PCLO: variants seen among roughly 807,000 people sequenced by gnomAD.
PCLO encodes piccolo presynaptic cytomatrix protein.
In PCLO, 82 loss-of-function variants were observed where a neutral mutation model predicts 427.5. That is an observed-to-expected ratio of 0.19 (90% CI 0.16 to 0.23). The LOEUF (loss-of-function observed/expected upper bound fraction) is 0.23, where lower values mean the gene tolerates loss of function less well. Among genes scored for constraint, PCLO ranks in the 10% least tolerant of loss-of-function variants. The pLI, the probability that PCLO is intolerant of heterozygous loss-of-function variation, is 1.00. For missense variants in PCLO, 6,239 were observed against 6,115.9 expected (o/e 1.02, Z -0.67); for synonymous variants, 2,357 against 2,155.4 (o/e 1.09, Z -2.59).
rs1183961079 is a variant in PCLO, at chr7:82,901,672, C to T, written c.13528+979G>A. Among the ~76,000 whole-genome samples, 3 of 152,162 alleles carry T rather than the reference C, an allele frequency of 2.0e-5. No individual in the cohort carries two copies. In the East Asian group the frequency reaches 5.8e-4, roughly 30 times the overall value. On this transcript the variant is annotated intron_variant, in intron 9 of 24. Coordinates refer to ENST00000333891, the MANE Select transcript of PCLO (RefSeq NM_033026.6). ...AATGGGAGAAAATTTTTGCAACCTA[C>T]TCATCTGACAAAGGGCTAATATCCA...
intron 10 of PCLO, among the ~76,000 whole-genome samples, chr7:82,875,907 A>G (rs73710056): frequency 0.16 from 24,097 of 152,052 alleles, 3,031 homozygotes; most frequent in African/African-American, 0.34. Context: ...TAGCTTTTCC[A>G]AACAACAGCT....
chr7:82,829,292 C>T (rs1792030700), intron 16 of PCLO, among the ~76,000 whole-genome samples: 1 of 152,128 alleles, frequency 6.6e-6, no homozygotes, highest in South Asian at 2.1e-4. Flanking sequence ...GTGGGTCAGT[C>T]AACCCTCCAC....
chr7:83,056,590 A>G (rs1389837149), intron 3 of PCLO, among the ~76,000 whole-genome samples: 1 of 152,180 alleles, frequency 6.6e-6, no homozygotes, highest in Non-Finnish European at 1.5e-5. Context: ...TCCTACTCTC[A>G]TCTATATGTA....
At chr7:83,045,733 C>T in intron 3 of PCLO, among the ~76,000 whole-genome samples, 1 of 152,042 alleles carries the variant, frequency 6.6e-6, no homozygotes, top group East Asian at 1.9e-4. Context: ...TGAGGATGAT[C>T]TAGAAGATAT....
At chr7:82,845,520 C>A in intron 12 of PCLO, 35 bp from the exon 13 acceptor site, 2 of 1,391,640 alleles carry the variant, frequency 1.4e-6, no homozygotes, top group Non-Finnish European at 2.0e-6. Flanking sequence ...CATACTTCTC[C>A]ATTTCATAGG....
At position 82,952,660 on chromosome 7, in the gene PCLO, C is replaced by T. The variant is rs1282003399; in HGVS notation, c.8293G>A (p.Gly2765Arg). The change falls in exon 5 of 25, where the codon GGG (glycine) becomes AGG (arginine). Residue 2765 changes from glycine (G) to arginine (R), a missense_variant. Physicochemically the swap from Gly to Arg is moderately radical, Grantham distance 125 (BLOSUM62 -2). Transcript: ENST00000333891. ...KRQITANEVY[G>R]KQISAVQPSI... ...GGTTGGACAGCACTAATTTGTTTCC[C>T]ATAAACTTCATTTGCTGTGATCTGC... The T allele has an allele frequency of 1.9e-6, 3 of 1,613,796 alleles. No individual in the cohort carries two copies. The highest frequency in any genetic ancestry group is 1.7e-6 in the Non-Finnish European group (2 of 1,179,852).
chr7:83,098,849 G>GA (rs920847588), intron 3 of PCLO, among the ~76,000 whole-genome samples: 17 of 151,920 alleles, frequency 1.1e-4, no homozygotes, highest in African/African-American at 3.9e-4. Flanking sequence ...AGTTAGTGTA[G>GA]AAAAAAAGCT....
Position 82,760,655 on chromosome 7 carries a change from G to A in PCLO, c.15272C>T (p.Ala5091Val). Residue 5091 changes from alanine to valine, a missense_variant, in exon 24 of 25, where the codon GCA (alanine) becomes GTA (valine). Transcript: ENST00000333891. ...CAGAGCTACCTGAAGAGAATGTCCT[G>A]CAGGACTTAGACTGAATCGAAAAGT... ...NETFRFSLSP[A>V]GHSLQILLFS... 6.3e-7 allele frequency: 1 copy of A among 1,599,576 alleles called. No individual in the cohort carries two copies. The highest frequency in any genetic ancestry group is 1.7e-5 in the Admixed American group (1 of 57,564).
chr7:82,777,460 A>C (rs1583963543), intron 22 of PCLO, among the ~76,000 whole-genome samples: 2 of 152,292 alleles, frequency 1.3e-5, no homozygotes, highest in African/African-American at 4.8e-5. Flanking sequence ...ATCCTAAGCA[A>C]AAAGAACAAA....
At chr7:82,810,961 A>C (rs1791556549) in intron 20 of PCLO, among the ~76,000 whole-genome samples, 1 of 151,708 alleles carries the variant, frequency 6.6e-6, no homozygotes, top group Admixed American at 6.6e-5. Flanking sequence ...CTATCCTACT[A>C]AATTCCAAAA....
intron 3 of PCLO, among the ~76,000 whole-genome samples, chr7:83,129,726 A>T (rs1791522986): frequency 6.6e-6 from 1 of 152,230 alleles, no homozygotes; most frequent in African/African-American, 2.4e-5. Context: ...ATACATCCAT[A>T]GAATTAGGTA....
chr7:83,093,472 G>GTGTGTGTGTGTGTATATATATATATATA lies in PCLO; in HGVS notation c.3300+40777_3300+40778insTATATATATATATATACACACACACACA, dbSNP rs745824155. Among the ~76,000 whole-genome samples, 11 of 99,188 alleles carry GTGTGTGTGTGTGTATATATATATATATA rather than the reference G, an allele frequency of 1.1e-4. 1 individual carries two copies. The highest frequency in any genetic ancestry group is 1.7e-4 in the Non-Finnish European group (9 of 53,736). 65.1% of individuals were successfully genotyped at this position (99,188 alleles called of 152,430 possible). A position where few individuals can be genotyped will look rare whatever the true frequency, so the allele number is the denominator to read the frequency against. On this transcript the variant is annotated intron_variant, in intron 3 of 24. Transcript: ENST00000333891. ...ACCACAAACATATATATGTGTGTGT[G>GTGTGTGTGTGTGTATATATATATATATA]TATAGATATATATATATATATTTTT...
rs1793452029 is a variant in PCLO, at chr7:82,879,521, C to G, written c.13529-59G>C. 15 of 1,335,458 alleles carry G rather than the reference C, an allele frequency of 1.1e-5. No homozygotes were observed. The South Asian group carries it at 2.1e-4, about 18-fold the overall frequency. 82.7% of individuals were successfully genotyped at this position (1,335,458 alleles called of 1,614,324 possible). Reference sequence around the variant, plus strand: ...ATTTAAGAAGGGACAATAGTTATCACAAGTTACAGAGAGCACAAAAAGTAG... The same window carrying G: ...ATTTAAGAAGGGACAATAGTTATCAGAAGTTACAGAGAGCACAAAAAGTAG... On this transcript the variant is annotated intron_variant, in intron 9 of 24. Transcript: ENST00000333891.
rs1474123375 is a variant in PCLO, at chr7:83,134,685, A to G, written c.2865T>C (p.His955=). The G allele has an allele frequency of 1.2e-6, 2 of 1,613,708 alleles. No individual in the cohort carries two copies. Among genetic ancestry groups the G allele is most frequent in the Admixed American group, 3.3e-5 (2 of 59,974 alleles). ...TTGGGGCCCCTGGTCCACTTTGTGA[A>G]TGAGGTCCAGGTTGGCCTGCAGTGG... ...LISTAGQPGP[H]SQSGPGAPMK... The change falls in exon 3 of 25, where the codon CAT becomes CAC. Residue 955 remains histidine, a synonymous_variant. Coordinates refer to ENST00000333891, the MANE Select transcript of PCLO (RefSeq NM_033026.6).
intron 3 of PCLO, among the ~76,000 whole-genome samples, chr7:83,051,005 G>C (rs1490837915): frequency 6.6e-6 from 1 of 151,986 alleles, no homozygotes; most frequent in Admixed American, 6.6e-5. Flanking sequence ...AAAATCACTT[G>C]ACAACACCAA....
chr7:82,959,423 T>C (rs1256192233), intron 4 of PCLO, among the ~76,000 whole-genome samples: 1 of 152,218 alleles, frequency 6.6e-6, no homozygotes, highest in East Asian at 1.9e-4. Context: ...TCATAAAATA[T>C]GCATATATGA....
chr7:83,026,777 A>C (rs1788510455), intron 3 of PCLO, among the ~76,000 whole-genome samples: 1 of 150,502 alleles, frequency 6.6e-6, no homozygotes, highest in Non-Finnish European at 1.5e-5. Context: ...AGTGCAATCA[A>C]ACTAGAACTC....
chr7:82,827,637 T>C (rs1047087338), intron 17 of PCLO, among the ~76,000 whole-genome samples: 1 of 152,060 alleles, frequency 6.6e-6, no homozygotes, highest in African/African-American at 2.4e-5. Flanking sequence ...ATTCCACTAG[T>C]TTTCTTATTT....
At position 83,155,680 on chromosome 7, in the gene PCLO, G is replaced by C; in HGVS notation, c.961C>G (p.His321Asp). 6.2e-7 allele frequency: 1 copy of C among 1,613,976 alleles called. No homozygotes were observed. The highest frequency in any genetic ancestry group is 8.5e-7 in the Non-Finnish European group (1 of 1,179,880). ...GCAGGCCCAGGCTGTGATTTTTCAT[G>C]TCCAGGCTGCTGTGCTGGAGGTTTT... Reference protein sequence around the residue: ...PGKPPAQQPGHEKSQPGPAKP... With the variant: ...PGKPPAQQPGDEKSQPGPAKP... The change falls in exon 2 of 25, where the codon CAT becomes GAT. Residue 321 changes from histidine to aspartate, a missense_variant. Coordinates refer to ENST00000333891, the MANE Select transcript of PCLO (RefSeq NM_033026.6).
Sources: gnomAD v4.1 joint callset for allele counts (sites outside exome capture counted in the v4.1 genomes callset) on GRCh38, gnomAD v4.1.1 for gene constraint, MANE v1.5 for transcripts, NCBI Gene and HGNC (gene_info 2026-07-23, HGNC 2026-07-21) for gene names.